XKR4: variants seen among roughly 807,000 people sequenced by gnomAD.
XKR4 encodes the protein XK related 4, also known as XK-related protein 4.
In XKR4, 12 loss-of-function variants were observed where a neutral mutation model predicts 53.9. The ratio of observed to expected loss-of-function variants is 0.22; its 90% CI spans 0.14 to 0.36. The LOEUF is 0.36. XKR4 is among the 10% of genes least tolerant of loss of function. The pLI, the probability that XKR4 is intolerant of heterozygous loss-of-function variation, is 1.00. For synonymous variants in XKR4, 354 were observed against 362.4 expected, an observed-to-expected ratio of 0.98 and a Z score of 0.26; for missense variants, 799 against 859.5, an observed-to-expected ratio of 0.93 and a Z score of 0.88.
At position 55,220,237 on chromosome 8, in the gene XKR4, G is replaced by A. The variant is rs7000250; in HGVS notation, c.806+116943G>A. ...TAAATAATTTTTTAAATGTATGATA[G>A]CATCGAAAACTACAGATTTCATTTT... On this transcript the variant is annotated intron_variant, in intron 1 of 2. Coordinates refer to ENST00000327381, the MANE Select transcript of XKR4 (RefSeq NM_052898.2). Among the ~76,000 whole-genome samples, 1,321 of 152,052 alleles carry A rather than the reference G, an allele frequency of 8.7e-3. 12 individuals are homozygous for A. Among genetic ancestry groups the A allele is most frequent in the Middle Eastern group, 0.031 (9 of 294 alleles).
chr8:55,119,115 G>A (rs1816352829), intron 1 of XKR4, among the ~76,000 whole-genome samples: 2 of 152,132 alleles, frequency 1.3e-5, no homozygotes, highest in Admixed American at 6.6e-5. Context: ...CTCTAAGCAG[G>A]CTCTGAGCAC....
intron 2 of XKR4, among the ~76,000 whole-genome samples, chr8:55,462,736 C>T (rs539256591): frequency 5.9e-5 from 9 of 152,224 alleles, no homozygotes; most frequent in East Asian, 3.9e-4. Context: ...ACCCATCTCA[C>T]GTGCAGAGAC....
intron 2 of XKR4, among the ~76,000 whole-genome samples, chr8:55,499,888 T>A (rs1358046253): frequency 6.6e-6 from 1 of 152,224 alleles, no homozygotes; most frequent in East Asian, 1.9e-4. Context: ...AGTATGTGAA[T>A]TTCTCAATCC....
intron 2 of XKR4, among the ~76,000 whole-genome samples, chr8:55,520,116 T>C (rs935710940): frequency 4.6e-5 from 7 of 152,174 alleles, no homozygotes; most frequent in East Asian, 1.9e-4. Context: ...TGTCTTGGCA[T>C]TGGAAAAAAC....
intron 2 of XKR4, among the ~76,000 whole-genome samples, chr8:55,491,041 C>T (rs1383215136): frequency 2.0e-5 from 3 of 151,692 alleles, no homozygotes; most frequent in African/African-American, 7.3e-5. Context: ...TCTCTCTGTG[C>T]TTCAGTCTAG....
intron 2 of XKR4, chr8:55,450,220 T>C (rs919527023): frequency 1.3e-5 from 8 of 638,246 alleles, no homozygotes; most frequent in South Asian, 8.4e-5. Context: ...GCACCTGCTC[T>C]GGGGAGCGCC....
chr8:55,463,926 G>A (rs1805708004), intron 2 of XKR4, among the ~76,000 whole-genome samples: 1 of 152,228 alleles, frequency 6.6e-6, no homozygotes, highest in East Asian at 1.9e-4. Flanking sequence ...ACTAAACCAG[G>A]AGGAAGTTGA....
chr8:55,241,438 C>A (rs1225412975), intron 1 of XKR4, among the ~76,000 whole-genome samples: 1 of 152,030 alleles, frequency 6.6e-6, no homozygotes, highest in African/African-American at 2.4e-5. Context: ...TAGACTTTCT[C>A]TGTCTTCACT....
Position 55,173,930 on chromosome 8 carries a change from G to T in XKR4, c.806+70636G>T, listed in dbSNP as rs888585554. ...GCATGAAGTATTTATAAAAGATAAA[G>T]AAATTGACATATTTTAAGAAAATAT... is the stretch of plus-strand genomic sequence containing the variant. On this transcript the variant is annotated intron_variant, in intron 1 of 2. Transcript: ENST00000327381. Among the ~76,000 whole-genome samples, 15 of 152,234 alleles carry T rather than the reference G, an allele frequency of 9.9e-5. 1 individual carries two copies. Among genetic ancestry groups the T allele is most frequent in the Admixed American group, 8.5e-4 (13 of 15,288 alleles).
At chr8:55,164,185 T>A (rs568393572) in intron 1 of XKR4, 6 of 456,586 alleles carry the variant, frequency 1.3e-5, no homozygotes, top group African/African-American at 1.2e-4. Context: ...AGCACACAGG[T>A]TGCCTCGTCC....
At chr8:55,379,062 G>T (rs1185191856) in intron 2 of XKR4, among the ~76,000 whole-genome samples, 1 of 152,132 alleles carries the variant, frequency 6.6e-6, no homozygotes, top group African/African-American at 2.4e-5. Context: ...GAGTAACCCT[G>T]CTGTTCTTTG....
At chr8:55,306,359 TAAAACA>T (rs1586000997) in intron 1 of XKR4, among the ~76,000 whole-genome samples, 1 of 152,298 alleles carries the variant, frequency 6.6e-6, no homozygotes, top group East Asian at 1.9e-4. Flanking sequence ...AAGCAGCTCC[TAAAACA>T]GTACAAAAAG....
At chr8:55,274,846 G>T (rs1278202978) in intron 1 of XKR4, among the ~76,000 whole-genome samples, 1 of 152,126 alleles carries the variant, frequency 6.6e-6, no homozygotes. Flanking sequence ...GGTACTGTTG[G>T]TTAGAACTTA....
intron 1 of XKR4, among the ~76,000 whole-genome samples, chr8:55,141,671 C>CTCTCTCTCTCTCTCTCTCTCTCTCTCTG (rs748708972): frequency 0.01 from 1,377 of 134,722 alleles, 29 homozygotes; most frequent in East Asian, 0.017. Flanking sequence ...CTCTCTCTCT[C>CTCTCTCTCTCTCTCTCTCTCTCTCTCTG]TGTGTGTGTG....
chr8:55,503,827 AGCTGTGG>A (rs1806481605), intron 2 of XKR4, among the ~76,000 whole-genome samples: 1 of 152,004 alleles, frequency 6.6e-6, no homozygotes, highest in Non-Finnish European at 1.5e-5. Flanking sequence ...GTATTTTTTT[AGCTGTGG>A]GCTTTTCGTT....
intron 1 of XKR4, among the ~76,000 whole-genome samples, chr8:55,208,005 T>C (rs1817675299): frequency 6.6e-6 from 1 of 152,226 alleles, no homozygotes. Context: ...TAGTAGCCTG[T>C]GGGCTATAGT....
chr8:55,254,590 A>T lies in XKR4; in HGVS notation c.807-103088A>T, dbSNP rs142985066. Among the ~76,000 whole-genome samples the T allele has an allele frequency of 1.1e-4, 17 of 152,298 alleles. No individual in the cohort carries two copies. The East Asian group carries it at 3.3e-3, about 29-fold the overall frequency. ...TTGATAAAGGAAGCGTCGATCTCAG[A>T]ACTGCACCTAGACAGTCTCGTTCCT... is the stretch of plus-strand genomic sequence containing the variant. On this transcript the variant is annotated intron_variant, in intron 1 of 2. Coordinates refer to ENST00000327381, the MANE Select transcript of XKR4 (RefSeq NM_052898.2).
rs1018304155 is a variant in XKR4 at position 55,129,816 on chromosome 8, A to T, written c.806+26522A>T. Among the ~76,000 whole-genome samples the T allele has an allele frequency of 2.0e-5, 3 of 152,266 alleles. No individual in the cohort carries two copies. In the South Asian group the frequency reaches 6.2e-4, roughly 32 times the overall value. ...GAAGATTAAAATTGACATGGATGAT[A>T]CTGGAGACTGAGTTTTATTCTACCT... On this transcript the variant is annotated intron_variant, in intron 1 of 2. Transcript: ENST00000327381.
chr8:55,165,229 A>C (rs1817050522), intron 1 of XKR4, among the ~76,000 whole-genome samples: 1 of 152,168 alleles, frequency 6.6e-6, no homozygotes, highest in Admixed American at 6.5e-5. Context: ...GACATGTTAG[A>C]GGTGTGTTAA....
Sources: allele counts gnomAD v4.1 joint callset (sites outside exome capture counted in the v4.1 genomes callset), GRCh38; gene constraint gnomAD v4.1.1; transcripts MANE v1.5; gene names NCBI Gene and HGNC (gene_info 2026-07-23, HGNC 2026-07-21).